Variants in HS6ST3 observed in about 807,000 individuals in gnomAD.
The protein encoded by HS6ST3 is heparan-sulfate 6-O-sulfotransferase 3.
HS6ST3 carries 12 observed loss-of-function variants against 36.7 expected under a neutral mutation model. That is an observed-to-expected ratio of 0.33 (90% confidence interval 0.21 to 0.53). The LOEUF (loss-of-function observed/expected upper bound fraction) is 0.53. HS6ST3 is among the 20% of genes least tolerant of loss of function. The pLI is 0.95. For missense variants in HS6ST3, 584 were observed against 640.9 expected, an observed-to-expected ratio of 0.91 and a Z score of 0.96; for synonymous variants, 240 against 257.5, an observed-to-expected ratio of 0.93 and a Z score of 0.65.
At chr13:96,232,380 C>G (rs1046522772) in intron 1 of HS6ST3, among the ~76,000 whole-genome samples, 1 of 152,084 alleles carries the variant, frequency 6.6e-6, no homozygotes, top group African/African-American at 2.4e-5. Context: ...ATAGTAGAGT[C>G]AGAGGTCATG....
Position 96,260,637 on chromosome 13 carries a change from TTTTTC to T in HS6ST3, c.707+169078_707+169082del, listed in dbSNP as rs1295417114. Among the ~76,000 whole-genome samples the T allele has an allele frequency of 2.7e-5, 4 of 149,394 alleles. No homozygotes were observed. The East Asian group carries it at 6.0e-4, about 23-fold the overall frequency. On this transcript the variant is annotated intron_variant, in intron 1 of 1. Coordinates refer to ENST00000376705, the MANE Select transcript of HS6ST3 (RefSeq NM_153456.4). ...CCGGCCCTCTTTTCTTTTCTTTCTT[TTTTTC>T]TTTTCTTTTTTTTTTTAGATAGAGT...
At chr13:96,654,016 G>T (rs1026712279) in intron 1 of HS6ST3, among the ~76,000 whole-genome samples, 70 of 152,136 alleles carry the variant, frequency 4.6e-4, no homozygotes, top group Non-Finnish European at 2.9e-5. Flanking sequence ...CTTTTGAGAA[G>T]TGTCTGTTCA....
intron 1 of HS6ST3, among the ~76,000 whole-genome samples, chr13:96,117,650 A>T (rs2139303752): frequency 6.6e-6 from 1 of 152,354 alleles, no homozygotes; most frequent in South Asian, 2.1e-4. Flanking sequence ...AAAATAAGGC[A>T]GGCAAGGAGG....
intron 1 of HS6ST3, among the ~76,000 whole-genome samples, chr13:96,199,004 G>T (rs576464864): frequency 3.2e-4 from 48 of 152,330 alleles, no homozygotes; most frequent in African/African-American, 1.1e-3. Flanking sequence ...CATACCTGGG[G>T]AGGCCTCAGA....
intron 1 of HS6ST3, among the ~76,000 whole-genome samples, chr13:96,745,180 C>A (rs1876533400): frequency 6.6e-6 from 1 of 152,088 alleles, no homozygotes. Flanking sequence ...ATGCAGCCAC[C>A]TAACCTCTTG....
intron 1 of HS6ST3, among the ~76,000 whole-genome samples, chr13:96,621,826 C>T (rs2138995159): frequency 6.6e-6 from 1 of 152,268 alleles, no homozygotes; most frequent in South Asian, 2.1e-4. Context: ...TCAGCAAAGT[C>T]AGGTTTATTG....
intron 1 of HS6ST3, among the ~76,000 whole-genome samples, chr13:96,226,695 C>T (rs1340461222): frequency 6.6e-6 from 1 of 152,084 alleles, no homozygotes; most frequent in Non-Finnish European, 1.5e-5. Context: ...GAATATTTTT[C>T]TGTTTAAGTA....
intron 1 of HS6ST3, among the ~76,000 whole-genome samples, chr13:96,149,936 G>T (rs1322971929): frequency 6.6e-6 from 1 of 152,214 alleles, no homozygotes; most frequent in Non-Finnish European, 1.5e-5. Context: ...CAGTGAAATT[G>T]CTAGTGGTGG....
intron 1 of HS6ST3, among the ~76,000 whole-genome samples, chr13:96,729,603 C>T (rs1210309402): frequency 1.3e-5 from 2 of 151,860 alleles, no homozygotes; most frequent in African/African-American, 4.8e-5. Context: ...ATTACAGGCC[C>T]ATGCCACCAT....
intron 1 of HS6ST3, among the ~76,000 whole-genome samples, chr13:96,164,428 G>A (rs993005695): frequency 6.6e-6 from 1 of 151,870 alleles, no homozygotes; most frequent in Non-Finnish European, 1.5e-5. Flanking sequence ...GCGTGGTGAC[G>A]TGCCTGTAGG....
chr13:96,317,363 TATATAAAATTATA>T lies in HS6ST3; in HGVS notation c.707+225795_707+225807del, dbSNP rs2054979196. Among the ~76,000 whole-genome samples, 25 of 19,426 alleles carry T rather than the reference TATATAAAATTATA, an allele frequency of 1.3e-3. 1 individual carries two copies. Among genetic ancestry groups the T allele is most frequent in the Admixed American group, 2.2e-3 (4 of 1,818 alleles). The allele number at this position is 19,426 out of a possible 152,430, so 12.7% of individuals were successfully genotyped here. A position where few individuals can be genotyped will look rare whatever the true frequency, so the allele number is the denominator to read the frequency against. On this transcript the variant is annotated intron_variant, in intron 1 of 1. Coordinates refer to ENST00000376705, the MANE Select transcript of HS6ST3 (RefSeq NM_153456.4). ...ATATATATATATATATATATATATA[TATATAAAATTATA>T]TATATATATATATATATATCATGGA...
chr13:96,269,771 C>T (rs1211458020), intron 1 of HS6ST3, among the ~76,000 whole-genome samples: 1 of 151,928 alleles, frequency 6.6e-6, no homozygotes, highest in Non-Finnish European at 1.5e-5. Flanking sequence ...TGTCAGGAAG[C>T]AAGATGATAA....
At chr13:96,241,786 CT>C (rs1235986148) in intron 1 of HS6ST3, among the ~76,000 whole-genome samples, 4,704 of 131,338 alleles carry the variant, frequency 0.036, 96 homozygotes, top group Non-Finnish European at 0.058. Context: ...TTTTTTCTTT[CT>C]TTTTTTTTTT....
chr13:96,285,619 C>T (rs1049457261), intron 1 of HS6ST3, among the ~76,000 whole-genome samples: 3 of 152,120 alleles, frequency 2.0e-5, no homozygotes, highest in African/African-American at 7.2e-5. Flanking sequence ...ATTTGGTAGG[C>T]GTGCTGTGGA....
intron 1 of HS6ST3, among the ~76,000 whole-genome samples, chr13:96,798,244 A>G (rs1877962881): frequency 6.6e-6 from 1 of 151,992 alleles, no homozygotes; most frequent in African/African-American, 2.4e-5. Context: ...AGCTATCCCG[A>G]AGCTCCCCAA....
intron 1 of HS6ST3, among the ~76,000 whole-genome samples, chr13:96,096,523 G>GA (rs1383223415): frequency 6.6e-6 from 1 of 151,616 alleles, no homozygotes; most frequent in African/African-American, 2.4e-5. Context: ...GCTTAGAAAA[G>GA]AAAAAAAGGA....
At chr13:96,341,550 A>G (rs987085201) in intron 1 of HS6ST3, among the ~76,000 whole-genome samples, 10 of 152,104 alleles carry the variant, frequency 6.6e-5, no homozygotes, top group Non-Finnish European at 1.2e-4. Context: ...GAATATTCTC[A>G]CCCTGGGGAT....
At chr13:96,731,980 C>T (rs1730500396) in intron 1 of HS6ST3, among the ~76,000 whole-genome samples, 1 of 152,144 alleles carries the variant, frequency 6.6e-6, no homozygotes, top group Non-Finnish European at 1.5e-5. Context: ...TGAAAAACTT[C>T]CATACTGCTT....
At chr13:96,635,965 T>C (rs1393617326) in intron 1 of HS6ST3, among the ~76,000 whole-genome samples, 1 of 152,170 alleles carries the variant, frequency 6.6e-6, no homozygotes, top group Non-Finnish European at 1.5e-5. Context: ...ACTCCTCAAA[T>C]AATGTAAACC....
Sources: gnomAD v4.1 joint callset for allele counts (sites outside exome capture counted in the v4.1 genomes callset) on GRCh38, gnomAD v4.1.1 for gene constraint, MANE v1.5 for transcripts, NCBI Gene and HGNC (gene_info 2026-07-23, HGNC 2026-07-21) for gene names.